Variants in UGGT2 observed in about 807,000 individuals in gnomAD.
The protein encoded by UGGT2 is UDP-glucose glycoprotein glucosyltransferase 2.
UGGT2 carries 180 observed loss-of-function variants against 192.1 expected under a neutral mutation model. The observed-to-expected ratio is 0.94, with a 90% confidence interval of 0.83 to 1.06. The LOEUF is 1.06. Ranked by LOEUF, UGGT2 falls within the 50% of genes least tolerant of loss-of-function variation. UGGT2 has a pLI of 0.00. For missense variants in UGGT2, 1,849 were observed against 1,795.7 expected, an observed-to-expected ratio of 1.03 and a Z score of -0.54; for synonymous variants, 580 against 591.0, an observed-to-expected ratio of 0.98 and a Z score of 0.27.
At chr13:96,015,943 A>G (rs2052324791) in intron 4 of UGGT2, among the ~76,000 whole-genome samples, 2 of 152,164 alleles carry the variant, frequency 1.3e-5, no homozygotes, top group African/African-American at 4.8e-5. Flanking sequence ...ATGGTAGGTG[A>G]ACTTTTTGGG....
At chr13:95,904,780 C>T (rs61972905) in intron 20 of UGGT2, among the ~76,000 whole-genome samples, 3,802 of 151,930 alleles carry the variant, frequency 0.025, 57 homozygotes, top group Non-Finnish European at 0.034. Flanking sequence ...CTTTATAGCA[C>T]CATGATTTAT....
chr13:95,845,799 C>T (rs1888364897), intron 36 of UGGT2, among the ~76,000 whole-genome samples: 1 of 149,332 alleles, frequency 6.7e-6, no homozygotes, highest in Admixed American at 6.6e-5. Context: ...CGGGCAGAGG[C>T]GCTCTTCACA....
In UGGT2 at chr13:95,890,999, G is replaced by T. The variant is rs372026906; in HGVS notation, c.2856-35C>A. On this transcript the variant is annotated intron_variant, in intron 24 of 38. Coordinates refer to ENST00000376747, the MANE Select transcript of UGGT2 (RefSeq NM_020121.4). ...TAGAAAATAAGATGAAAGATGACGT[G>T]TTAAGTTTATACAAACAACTAATCA... 9.5e-6 allele frequency: 14 copies of T among 1,468,122 alleles called. No homozygotes were observed. In the East Asian group the frequency reaches 2.3e-4, roughly 24 times the overall value. 90.9% of individuals were successfully genotyped at this position (1,468,122 alleles called of 1,614,324 possible).
chr13:96,018,738 T>TG (rs2052416552), intron 4 of UGGT2, among the ~76,000 whole-genome samples: 1 of 121,466 alleles, frequency 8.2e-6, no homozygotes, highest in African/African-American at 3.0e-5. Context: ...ATGTTATAAT[T>TG]GAAAAAAAAA....
intron 6 of UGGT2, 28 bp from the exon 7 acceptor site, chr13:95,996,163 C>T: frequency 1.3e-6 from 2 of 1,572,894 alleles, no homozygotes; most frequent in Non-Finnish European, 1.7e-6. Flanking sequence ...AACCAAAAAA[C>T]AACAAAAATA....
chr13:95,990,178 GA>G (rs1479128950), intron 7 of UGGT2, 105 bp from the exon 8 acceptor site: 1 of 570,528 alleles, frequency 1.8e-6, no homozygotes, highest in Non-Finnish European at 2.9e-6. Context: ...AGACATAAAT[GA>G]ATCATTCATC....
intron 1 of UGGT2, among the ~76,000 whole-genome samples, chr13:96,034,586 A>T (rs1200206946): frequency 6.6e-6 from 1 of 152,218 alleles, no homozygotes; most frequent in African/African-American, 2.4e-5. Flanking sequence ...CCCTTTGGGG[A>T]GCCCAGACCT....
At chr13:95,989,934 T>C (rs773600420) in intron 8 of UGGT2, 39 bp downstream of exon 8, 2 of 1,395,042 alleles carry the variant, frequency 1.4e-6, no homozygotes, top group Admixed American at 2.0e-5. Flanking sequence ...ACAGATCAGT[T>C]ACCAAAATGC....
intron 10 of UGGT2, among the ~76,000 whole-genome samples, chr13:95,981,577 A>T (rs1238056803): frequency 6.6e-6 from 1 of 152,172 alleles, no homozygotes; most frequent in Non-Finnish European, 1.5e-5. Context: ...TTTACACCAG[A>T]GCAATTGACC....
chr13:95,830,079 G>A (rs1006007425), intron 38 of UGGT2, among the ~76,000 whole-genome samples: 4 of 152,214 alleles, frequency 2.6e-5, no homozygotes, highest in Non-Finnish European at 4.4e-5. Context: ...CTAGTCATAT[G>A]TAGAAAGCTG....
chr13:95,960,951 T>C (rs1021352051), intron 12 of UGGT2, among the ~76,000 whole-genome samples: 1 of 152,054 alleles, frequency 6.6e-6, no homozygotes, highest in Non-Finnish European at 1.5e-5. Flanking sequence ...CCTTCATAAA[T>C]GAAGGAAAAA....
intron 12 of UGGT2, among the ~76,000 whole-genome samples, chr13:95,960,898 G>A (rs1304543623): frequency 6.6e-6 from 1 of 152,124 alleles, no homozygotes; most frequent in East Asian, 1.9e-4. Flanking sequence ...AGTCCTGTAA[G>A]AAAATGCCTG....
At chr13:95,956,058 G>A (rs917719769) in intron 12 of UGGT2, among the ~76,000 whole-genome samples, 1 of 152,120 alleles carries the variant, frequency 6.6e-6, no homozygotes, top group African/African-American at 2.4e-5. Flanking sequence ...GTTAGTAAAA[G>A]GCAATCACAA....
intron 28 of UGGT2, 22 bp downstream of exon 28, chr13:95,877,676 C>T (rs773893941): frequency 6.3e-7 from 1 of 1,596,434 alleles, no homozygotes; most frequent in South Asian, 1.1e-5. Context: ...AAATTAAACA[C>T]CATCAATTAA....
chr13:95,982,396 C>T (rs2140862353), intron 10 of UGGT2, among the ~76,000 whole-genome samples: 1 of 152,314 alleles, frequency 6.6e-6, no homozygotes, highest in Non-Finnish European at 1.5e-5. Flanking sequence ...AACGGCAGCT[C>T]CATCTTCCCT....
chr13:95,931,736 G>A (rs543173015), intron 17 of UGGT2, among the ~76,000 whole-genome samples: 36 of 152,286 alleles, frequency 2.4e-4, no homozygotes, highest in African/African-American at 8.4e-4. Flanking sequence ...CCTGAGTGCA[G>A]GGCCTGCTGA....
At chr13:95,898,272 G>A (rs997051465) in intron 22 of UGGT2, among the ~76,000 whole-genome samples, 1 of 152,000 alleles carries the variant, frequency 6.6e-6, no homozygotes, top group African/African-American at 2.4e-5. Flanking sequence ...CCAGAACTAT[G>A]CACTTCCCAA....
chr13:95,954,047 A>G (rs1160234365), intron 12 of UGGT2, among the ~76,000 whole-genome samples: 1 of 152,204 alleles, frequency 6.6e-6, no homozygotes, highest in Non-Finnish European at 1.5e-5. Flanking sequence ...CAACTTTTTC[A>G]GTGCTCACAT....
At chr13:95,934,065 T>C (rs2049380764) in intron 17 of UGGT2, among the ~76,000 whole-genome samples, 2 of 152,146 alleles carry the variant, frequency 1.3e-5, no homozygotes, top group African/African-American at 4.8e-5. Context: ...TCTTCGTATG[T>C]TGTTTGTTTT....
Sources: allele counts gnomAD v4.1 joint callset (sites outside exome capture counted in the v4.1 genomes callset), GRCh38; gene constraint gnomAD v4.1.1; transcripts MANE v1.5; gene names NCBI Gene and HGNC (gene_info 2026-07-23, HGNC 2026-07-21).